Variants in STAG2 observed in about 807,000 individuals in gnomAD.
STAG2 encodes the protein cohesin subunit SA-2.
Under a neutral mutation model 108.1 loss-of-function variants are expected in STAG2, and 14 were observed. The ratio of observed to expected loss-of-function variants is 0.13; its 90% CI spans 0.09 to 0.20. The LOEUF is 0.20. STAG2 is among the 10% of genes least tolerant of loss of function. The pLI is 1.00. For synonymous variants in STAG2, 307 were observed against 302.7 expected (o/e 1.01, Z -0.15); for missense variants, 440 against 940.9 (o/e 0.47, Z 6.96).
chrX:124,032,091 A>G (rs138464350), intron 5 of STAG2, among the ~76,000 whole-genome samples: 1,542 of 111,921 alleles, frequency 0.014, 31 homozygotes, highest in African/African-American at 0.047. Context: ...AAATATGCTG[A>G]TGTAAACCAT....
chrX:124,076,192 TA>T, intron 25 of STAG2, 139 bp from the exon 26 acceptor site: 5 of 583,651 alleles, frequency 8.6e-6, no homozygotes, highest in African/African-American at 2.3e-5. Context: ...TGGAATAAAT[TA>T]TGAATGGTTA....
intron 4 of STAG2, chrX:124,026,427 T>G (rs1452042067): frequency 7.2e-6 from 1 of 139,482 alleles, no homozygotes; most frequent in Non-Finnish European, 1.6e-5. Flanking sequence ...AATGTAAGTT[T>G]AAAGTGTGAG....
At chrX:124,097,144 A>C (rs12855572) in intron 34 of STAG2, among the ~76,000 whole-genome samples, 1,733 of 91,332 alleles carry the variant, frequency 0.019, 22 homozygotes, top group Non-Finnish European at 0.026. Flanking sequence ...ACAATACTGC[A>C]CTCCAGCCTG....
At chrX:124,077,693 C>T (rs748811619) in intron 26 of STAG2, among the ~76,000 whole-genome samples, 3 of 111,554 alleles carry the variant, frequency 2.7e-5, no homozygotes, top group Non-Finnish European at 3.8e-5. Context: ...CTAAAACTGA[C>T]CAGTATACCG....
intron 1 of STAG2, among the ~76,000 whole-genome samples, chrX:123,966,952 T>G (rs926253549): frequency 7.2e-5 from 8 of 110,668 alleles, no homozygotes; most frequent in African/African-American, 2.3e-4. Flanking sequence ...GGCATGATCT[T>G]GGGCTCCCTG....
rs1295426341 is a variant in STAG2, at chrX:124,101,215, A to C, written c.*618A>C. 1 of 150,220 alleles carries C rather than the reference A, an allele frequency of 6.7e-6. No individual in the cohort carries two copies. Among genetic ancestry groups the C allele is most frequent in the Non-Finnish European group, 1.3e-5 (1 of 76,201 alleles). The allele number at this position is 150,220 out of a possible 1,213,427, so 12.4% of individuals were successfully genotyped here. A position where few individuals can be genotyped will look rare whatever the true frequency, so the allele number is the denominator to read the frequency against. On this transcript the variant is annotated 3_prime_UTR_variant, in exon 35 of 35. Transcript: ENST00000371145. Reference sequence around the variant, plus strand: ...TTTTAAGATATTTTTAAAATCCAAGAGCTTCTCTATACTTTTCAGAAATAT... The same window carrying C: ...TTTTAAGATATTTTTAAAATCCAAGCGCTTCTCTATACTTTTCAGAAATAT...
intron 8 of STAG2, 44 bp from the exon 9 acceptor site, chrX:124,047,310 G>T (rs374197893): frequency 1.9e-6 from 2 of 1,079,646 alleles, no homozygotes; most frequent in Non-Finnish European, 2.4e-6. Flanking sequence ...AAATTTTTGT[G>T]TCTGTTAGAT....
intron 1 of STAG2, among the ~76,000 whole-genome samples, chrX:123,962,313 G>C (rs2053907240): frequency 9.0e-6 from 1 of 111,352 alleles, no homozygotes; most frequent in African/African-American, 3.3e-5. Flanking sequence ...TTTTGGCCTA[G>C]AATTGTGAAC....
intron 26 of STAG2, 44 bp downstream of exon 26, chrX:124,076,515 G>A (rs759701060): frequency 2.5e-5 from 27 of 1,079,633 alleles, no homozygotes; most frequent in East Asian, 1.0e-4. Flanking sequence ...AAAATGCAAC[G>A]CTAGTTTTTA....
At chrX:124,026,064 T>C in intron 4 of STAG2, 146 bp downstream of exon 4, 1 of 319,141 alleles carries the variant, frequency 3.1e-6, no homozygotes, top group Admixed American at 5.7e-5. Flanking sequence ...TCTGAGTAAA[T>C]GTGGTCCTTT....
intron 6 of STAG2, among the ~76,000 whole-genome samples, chrX:124,040,381 G>T (rs1305589686): frequency 9.1e-6 from 1 of 110,081 alleles, no homozygotes; most frequent in Admixed American, 9.8e-5. Context: ...TAGAGATAGG[G>T]TCTTGCTCTA....
intron 4 of STAG2, among the ~76,000 whole-genome samples, chrX:124,028,825 T>A (rs953325417): frequency 1.5e-3 from 110 of 71,797 alleles, no homozygotes; most frequent in African/African-American, 4.6e-3. Context: ...TATATATATT[T>A]TTTTTTTTAT....
chrX:123,984,015 G>A (rs1461593845), intron 1 of STAG2, among the ~76,000 whole-genome samples: 1 of 65,184 alleles, frequency 1.5e-5, no homozygotes, highest in Non-Finnish European at 2.6e-5. Flanking sequence ...TTTCGCTCTT[G>A]TTGCCCAGGC....
At chrX:124,026,258 A>G (rs1458707846) in intron 4 of STAG2, among the ~76,000 whole-genome samples, 1 of 110,534 alleles carries the variant, frequency 9.0e-6, no homozygotes, top group African/African-American at 3.3e-5. Flanking sequence ...CCCACAAGTA[A>G]TAAAATGTAA....
At chrX:123,980,349 A>G (rs4825497) in intron 1 of STAG2, among the ~76,000 whole-genome samples, 8,319 of 110,874 alleles carry the variant, frequency 0.075, 308 homozygotes, top group Non-Finnish European at 0.11. Context: ...GGCAGGAGGA[A>G]GAAGTAGGAT....
intron 8 of STAG2, among the ~76,000 whole-genome samples, chrX:124,045,804 A>G (rs1422850790): frequency 9.0e-6 from 1 of 111,111 alleles, no homozygotes. Context: ...TTGACAGCAG[A>G]TTTGGAGATA....
At chrX:123,990,735 T>C (rs1355732935) in intron 1 of STAG2, among the ~76,000 whole-genome samples, 1 of 111,822 alleles carries the variant, frequency 8.9e-6, no homozygotes, top group Non-Finnish European at 1.9e-5. Flanking sequence ...GAGTGTGTCT[T>C]ACAGAGGAGG....
In STAG2 at chrX:124,090,857, G is replaced by A. The variant is rs745958697; in HGVS notation, c.3471G>A (p.Thr1157=). 7.5e-6 allele frequency: 9 copies of A among 1,207,237 alleles called. No individual in the cohort carries two copies. Among genetic ancestry groups the A allele is most frequent in the African/African-American group, 3.5e-5 (2 of 57,039 alleles). The change falls in exon 32 of 35, where the codon ACG becomes ACA. Residue 1157 remains threonine, a synonymous_variant. Coordinates refer to ENST00000371145, the MANE Select transcript of STAG2 (RefSeq NM_001042750.2). ...EHHQTPLDYN[T]QVTWMLAQRQ... ...AGGAATAAAATTCTCCTTGAAGCACGCAGGTAACATGGATGTTAGCTCAAA... is the reference window on the plus strand; with the variant it reads ...AGGAATAAAATTCTCCTTGAAGCACACAGGTAACATGGATGTTAGCTCAAA...
Position 123,967,414 on chromosome X carries a change from T to C in STAG2, c.-163+5558T>C, listed in dbSNP as rs1405804202. On this transcript the variant is annotated intron_variant, in intron 1 of 34. Coordinates refer to ENST00000371145, the MANE Select transcript of STAG2 (RefSeq NM_001042750.2). ...CCGAGTAGCTGGGATTACAGGCATGTGCCACCACACCGGGCTAATTTTGTA... is the reference window on the plus strand; with the variant it reads ...CCGAGTAGCTGGGATTACAGGCATGCGCCACCACACCGGGCTAATTTTGTA... Among the ~76,000 whole-genome samples, 4 of 108,919 alleles carry C rather than the reference T, an allele frequency of 3.7e-5. No individual in the cohort carries two copies. In the East Asian group the frequency reaches 1.2e-3, roughly 31 times the overall value. The allele number at this position is 108,919 out of a possible 115,157, so 94.6% of individuals were successfully genotyped here. A position where few individuals can be genotyped will look rare whatever the true frequency, so the allele number is the denominator to read the frequency against.
Sources: gnomAD v4.1 joint callset for allele counts (sites outside exome capture counted in the v4.1 genomes callset) on GRCh38, gnomAD v4.1.1 for gene constraint, MANE v1.5 for transcripts, NCBI Gene and HGNC (gene_info 2026-07-23, HGNC 2026-07-21) for gene names.